OSBPL10: variants seen among roughly 807,000 people sequenced by gnomAD.
OSBPL10 encodes the protein oxysterol-binding protein-related protein 10.
In OSBPL10, 49 loss-of-function variants were observed where a neutral mutation model predicts 81.7. The observed-to-expected ratio is 0.60, with a 90% CI of 0.48 to 0.76. The LOEUF (loss-of-function observed/expected upper bound fraction) is 0.76, where lower values mean the gene tolerates loss of function less well. Among genes scored for constraint, OSBPL10 ranks in the 30% least tolerant of loss-of-function variants. The probability of loss-of-function intolerance (pLI) is 0.00; values close to 1 mark genes in which losing one functional copy is unlikely to be tolerated. For missense variants in OSBPL10, 923 were observed against 987.8 expected (o/e 0.93, Z 0.88); for synonymous variants, 419 against 383.6 (o/e 1.09, Z -1.08).
rs949172874 is a variant in OSBPL10, at chr3:31,662,001, C to T, written c.*71G>A. On this transcript the variant is annotated 3_prime_UTR_variant, in exon 12 of 12. Coordinates refer to ENST00000396556, the MANE Select transcript of OSBPL10 (RefSeq NM_017784.5). ...AGGTCTCAGTGAATGCCAACAAAAC[C>T]CTGATACTCTACTACTTTAATATTC... The T allele has an allele frequency of 6.3e-6, 10 of 1,581,632 alleles. No individual in the cohort carries two copies. The highest frequency in any genetic ancestry group is 8.6e-6 in the Non-Finnish European group (10 of 1,164,538).
chr3:31,879,871 C>G (rs368354125), intron 1 of OSBPL10, 41 bp from the exon 2 acceptor site: 11 of 1,587,046 alleles, frequency 6.9e-6, no homozygotes, highest in African/African-American at 1.4e-5. Context: ...TCTCTCCTAC[C>G]CTATTCTGCA....
chr3:31,731,078 A>T (rs1448507075), intron 6 of OSBPL10, among the ~76,000 whole-genome samples: 2 of 152,216 alleles, frequency 1.3e-5, no homozygotes, highest in Non-Finnish European at 2.9e-5. Flanking sequence ...TCTGACAGAA[A>T]AACTATTGTG....
At chr3:31,709,013 G>C in intron 6 of OSBPL10, 2 of 985,476 alleles carry the variant, frequency 2.0e-6, no homozygotes, top group Non-Finnish European at 2.4e-6. Context: ...AACCAACTGT[G>C]CCTCAAAGGC....
At chr3:32,030,701 A>C in intron 2 of OSBPL10, 1 of 771,420 alleles carries the variant, frequency 1.3e-6, no homozygotes, top group Non-Finnish European at 2.3e-6. Context: ...AAAATAAAAG[A>C]CCTCTGGACT....
chr3:31,943,899 C>T (rs528898008), intron 1 of OSBPL10, among the ~76,000 whole-genome samples: 2 of 129,978 alleles, frequency 1.5e-5, no homozygotes, highest in Admixed American at 9.6e-5. Flanking sequence ...ACCCAGGAAG[C>T]GGAGGTTCGA....
chr3:32,009,056 T>A (rs1379505364), intron 2 of OSBPL10, among the ~76,000 whole-genome samples: 1 of 152,232 alleles, frequency 6.6e-6, no homozygotes. Flanking sequence ...CTGTTTATGT[T>A]TTTTAAAATC....
intron 1 of OSBPL10, among the ~76,000 whole-genome samples, chr3:32,058,530 T>C (rs1416528263): frequency 2.0e-5 from 3 of 152,204 alleles, no homozygotes; most frequent in Non-Finnish European, 2.9e-5. Context: ...TTTCACCATG[T>C]TGTCCAGGCT....
intron 4 of OSBPL10, among the ~76,000 whole-genome samples, chr3:31,752,612 G>A (rs1224407140): frequency 6.6e-6 from 1 of 152,094 alleles, no homozygotes; most frequent in African/African-American, 2.4e-5. Flanking sequence ...GGCTGCAGAA[G>A]AAGAAAAAAA....
chr3:31,876,664 A>T, intron 2 of OSBPL10, 152 bp from the exon 3 acceptor site: 1 of 640,820 alleles, frequency 1.6e-6, no homozygotes, highest in Non-Finnish European at 2.8e-6. Flanking sequence ...AACGTTCTCA[A>T]GCGGCCTGTA....
At chr3:31,681,158 A>T (rs1700630774) in intron 8 of OSBPL10, among the ~76,000 whole-genome samples, 1 of 152,140 alleles carries the variant, frequency 6.6e-6, no homozygotes, top group African/African-American at 2.4e-5. Context: ...TGAATGTCTC[A>T]TTGGTGAACT....
At chr3:31,914,595 AT>A (rs1004334211) in intron 1 of OSBPL10, among the ~76,000 whole-genome samples, 6 of 152,260 alleles carry the variant, frequency 3.9e-5, no homozygotes, top group African/African-American at 1.2e-4. Context: ...AGTATATGGA[AT>A]TATTTGAGCC....
chr3:31,706,364 T>C (rs1696063090), intron 6 of OSBPL10, among the ~76,000 whole-genome samples: 2 of 152,176 alleles, frequency 1.3e-5, no homozygotes, highest in Admixed American at 6.5e-5. Flanking sequence ...AGGGGGTCCA[T>C]AGCTCCCCTT....
At chr3:31,997,111 A>C (rs1417841131) in intron 2 of OSBPL10, among the ~76,000 whole-genome samples, 1 of 152,192 alleles carries the variant, frequency 6.6e-6, no homozygotes, top group East Asian at 1.9e-4. Flanking sequence ...ATTTACTAGC[A>C]CACATTATGC....
At chr3:31,797,333 T>C (rs955859865) in intron 4 of OSBPL10, among the ~76,000 whole-genome samples, 1 of 152,140 alleles carries the variant, frequency 6.6e-6, no homozygotes, top group East Asian at 1.9e-4. Flanking sequence ...AAGTTGAGTA[T>C]TCAAAAAGAA....
At chr3:31,779,183 A>C (rs1290952503) in intron 4 of OSBPL10, among the ~76,000 whole-genome samples, 1 of 152,204 alleles carries the variant, frequency 6.6e-6, no homozygotes, top group African/African-American at 2.4e-5. Flanking sequence ...TTCAGACAAC[A>C]ACTAGCACGA....
At chr3:32,024,274 C>T (rs1010112610) in intron 2 of OSBPL10, among the ~76,000 whole-genome samples, 5 of 152,106 alleles carry the variant, frequency 3.3e-5, no homozygotes, top group Non-Finnish European at 4.4e-5. Context: ...GAGAAGAATT[C>T]TGTTGAATGT....
At chr3:31,807,594 G>A (rs892245371) in intron 4 of OSBPL10, among the ~76,000 whole-genome samples, 22 of 151,350 alleles carry the variant, frequency 1.5e-4, no homozygotes, top group African/African-American at 3.4e-4. Context: ...AAAAATTAGC[G>A]GGGCACGGTG....
intron 9 of OSBPL10, among the ~76,000 whole-genome samples, chr3:31,669,387 G>A (rs1280602772): frequency 6.6e-6 from 1 of 152,158 alleles, no homozygotes; most frequent in Non-Finnish European, 1.5e-5. Flanking sequence ...GTGTGTAAGA[G>A]TGTAGGGTGA....
intron 6 of OSBPL10, among the ~76,000 whole-genome samples, chr3:31,711,769 C>T (rs1376031918): frequency 6.6e-6 from 1 of 152,182 alleles, no homozygotes; most frequent in African/African-American, 2.4e-5. Context: ...CTAAAATTGA[C>T]TGTGGTGACA....
Sources: allele counts gnomAD v4.1 joint callset (sites outside exome capture counted in the v4.1 genomes callset), GRCh38; gene constraint gnomAD v4.1.1; transcripts MANE v1.5; gene names NCBI Gene and HGNC (gene_info 2026-07-23, HGNC 2026-07-21).